The following PFKM variants were observed in gnomAD, a reference collection of about 807,000 sequenced individuals.
PFKM encodes ATP-dependent 6-phosphofructokinase, muscle type.
In PFKM, 58 loss-of-function variants were observed where a neutral mutation model predicts 95.5. The observed-to-expected ratio is 0.61, with a 90% CI of 0.49 to 0.76. PFKM has a LOEUF of 0.76. PFKM is among the 30% of genes least tolerant of loss of function. PFKM has a pLI of 0.00. For missense variants in PFKM, 678 were observed against 1,005.4 expected, an observed-to-expected ratio of 0.67 and a Z score of 4.40; for synonymous variants, 336 against 357.2, an observed-to-expected ratio of 0.94 and a Z score of 0.67.
intron 5 of PFKM, 55 bp downstream of exon 5, chr12:48,133,112 T>C (rs1316605807): frequency 2.7e-6 from 4 of 1,503,088 alleles, no homozygotes; most frequent in East Asian, 2.3e-5. Flanking sequence ...TGCACGCGTG[T>C]ACACACACAC....
intron 3 of PFKM, among the ~76,000 whole-genome samples, chr12:48,112,188 T>C (rs1353532189): frequency 6.6e-6 from 1 of 151,858 alleles, no homozygotes; most frequent in African/African-American, 2.4e-5. Flanking sequence ...TAGGGCTGTC[T>C]TTAAGGAACA....
chr12:48,122,993 T>C (rs1948441518), intron 2 of PFKM, 134 bp downstream of exon 2: 3 of 764,436 alleles, frequency 3.9e-6, no homozygotes, highest in Non-Finnish European at 6.8e-6. Context: ...CTGTGAGGCC[T>C]AAGTCCTCAA....
At chr12:48,106,816 A>G (rs1357292854) in intron 1 of PFKM, among the ~76,000 whole-genome samples, 1 of 152,158 alleles carries the variant, frequency 6.6e-6, no homozygotes, top group Non-Finnish European at 1.5e-5. Flanking sequence ...GCTGTGAGGA[A>G]AGCTTTTGGG....
At chr12:48,135,445 C>T (rs564623830) in intron 10 of PFKM, 62 bp downstream of exon 10, 2 of 1,182,340 alleles carry the variant, frequency 1.7e-6, no homozygotes, top group South Asian at 2.5e-5. Context: ...GTCCTGCCCC[C>T]TCAGGGCTGC....
intron 10 of PFKM, among the ~76,000 whole-genome samples, chr12:48,136,033 C>T (rs1365230223): frequency 1.3e-5 from 2 of 152,062 alleles, no homozygotes; most frequent in Non-Finnish European, 2.9e-5. Context: ...GGACTACAGG[C>T]GCCTGGACCA....
intron 3 of PFKM, chr12:48,108,331 T>A: frequency 1.5e-6 from 1 of 655,748 alleles, no homozygotes; most frequent in Non-Finnish European, 2.4e-6. Flanking sequence ...TGTGTGTGTG[T>A]GAAACAGAGA....
At chr12:48,143,066 G>T in intron 18 of PFKM, 120 bp downstream of exon 18, 1 of 944,312 alleles carries the variant, frequency 1.1e-6, no homozygotes. Context: ...AGAATCCTGT[G>T]AAGACCAGAA....
At chr12:48,121,587 G>C (rs1449144132) in intron 1 of PFKM, among the ~76,000 whole-genome samples, 2 of 152,172 alleles carry the variant, frequency 1.3e-5, no homozygotes, top group African/African-American at 4.8e-5. Context: ...GTAGAAGCAA[G>C]CACAAGCTGC....
intron 2 of PFKM, among the ~76,000 whole-genome samples, chr12:48,124,092 C>T (rs184360186): frequency 8.3e-4 from 126 of 152,246 alleles, no homozygotes; most frequent in African/African-American, 2.6e-3. Context: ...AAAAGTCTGA[C>T]GCAATCTTTG....
At position 48,131,372 on chromosome 12, in the gene PFKM, C is replaced by T. The variant is rs760812841; in HGVS notation, c.216C>T (p.Ser72=). The change falls in exon 4 of 23, where the codon AGC becomes AGT. Residue 72 remains serine, a synonymous_variant. Coordinates refer to ENST00000359794, the MANE Select transcript of PFKM (RefSeq NM_000289.6). ...GDHIKEATWE[S]VSMMLQLGGT... is the part of the protein sequence containing the mutation. Reference sequence around the variant, plus strand: ...ACATCAAGGAAGCCACCTGGGAGAGCGTTTCGATGATGCTTCAGCTGGTAT... The same window carrying T: ...ACATCAAGGAAGCCACCTGGGAGAGTGTTTCGATGATGCTTCAGCTGGTAT... The T allele has an allele frequency of 1.5e-5, 24 of 1,612,400 alleles. No individual in the cohort carries two copies. Among genetic ancestry groups the T allele is most frequent in the South Asian group, 5.5e-5 (5 of 91,052 alleles).
intron 2 of PFKM, 138 bp downstream of exon 2, chr12:48,122,997 T>G: frequency 1.4e-6 from 1 of 714,318 alleles, no homozygotes; most frequent in Non-Finnish European, 2.5e-6. Context: ...GAGGCCTAAG[T>G]CCTCAAGTGC....
At chr12:48,111,798 G>A (rs187439491) in intron 3 of PFKM, among the ~76,000 whole-genome samples, 1 of 152,298 alleles carries the variant, frequency 6.6e-6, no homozygotes, top group Admixed American at 6.5e-5. Flanking sequence ...TGGGAGGCCG[G>A]ATGGAAGTCT....
intron 10 of PFKM, among the ~76,000 whole-genome samples, chr12:48,136,811 T>C (rs1330409774): frequency 6.6e-6 from 1 of 151,398 alleles, no homozygotes; most frequent in Non-Finnish European, 1.5e-5. Flanking sequence ...TGGAGTGCAG[T>C]GGCATGGTCT....
intron 10 of PFKM, among the ~76,000 whole-genome samples, chr12:48,136,045 G>T (rs1424626333): frequency 6.6e-6 from 1 of 151,934 alleles, no homozygotes; most frequent in Non-Finnish European, 1.5e-5. Context: ...CCTGGACCAC[G>T]CCCGGCTAAT....
At chr12:48,129,316 C>G (rs1259836809) in intron 2 of PFKM, among the ~76,000 whole-genome samples, 1 of 146,634 alleles carries the variant, frequency 6.8e-6, no homozygotes, top group Non-Finnish European at 1.5e-5. Context: ...CCAGCTTGAC[C>G]TCCCAAAGTA....
Position 48,145,292 on chromosome 12 carries a change from G to A in PFKM, c.2175G>A (p.Glu725=), listed in dbSNP as rs1044627283. 1 of 1,613,866 alleles carries A rather than the reference G, an allele frequency of 6.2e-7. No homozygotes were observed. Among genetic ancestry groups the A allele is most frequent in the African/African-American group, 1.3e-5 (1 of 74,930 alleles). The change falls in exon 22 of 23, where the codon GAG becomes GAA. Residue 725 remains glutamate (E), a synonymous_variant. Transcript: ENST00000359794. The surrounding 1 kb of genome is among the most constrained non-coding windows in gnomAD (Gnocchi z 4.3). The stretch of plus-strand genomic sequence containing the variant: ...CTCTGGTCTTCCAACCAGTGGCTGA[G>A]CTGAAGGACCAGACAGATTTTGAGT... ...KRALVFQPVA[E]LKDQTDFEHR... is the part of the protein sequence containing the mutation.
chr12:48,115,853 C>T (rs1015921440), upstream of PFKM, among the ~76,000 whole-genome samples: 1 of 152,106 alleles, frequency 6.6e-6, no homozygotes, highest in African/African-American at 2.4e-5. Context: ...GGACTTTGGG[C>T]TCTTTCCACA....
chr12:48,105,985 C>A (rs1402210071), exon 1 of PFKM: 2 of 700,132 alleles, frequency 2.9e-6, no homozygotes, highest in African/African-American at 3.5e-5. Context: ...GGACCAGGCT[C>A]CCTCCATCCT....
intron 18 of PFKM, among the ~76,000 whole-genome samples, chr12:48,143,366 G>A (rs1467900123): frequency 6.6e-6 from 1 of 151,536 alleles, no homozygotes; most frequent in East Asian, 1.9e-4. Context: ...TTCCCTTGCT[G>A]TCATTCTGCT....
Sources: allele counts gnomAD v4.1 joint callset (sites outside exome capture counted in the v4.1 genomes callset), GRCh38; gene constraint gnomAD v4.1.1; non-coding constraint Gnocchi (gnomAD v3.1); transcripts MANE v1.5; gene names NCBI Gene and HGNC (gene_info 2026-07-23, HGNC 2026-07-21).